The following RASGEF1A variants were observed in gnomAD, a reference collection of about 807,000 sequenced individuals.
RASGEF1A encodes the protein RasGEF domain family member 1A, also known as ras-GEF domain-containing family member 1A.
Under a neutral mutation model 56.4 loss-of-function variants are expected in RASGEF1A, and 18 were observed. The observed-to-expected ratio is 0.32, with a 90% confidence interval of 0.22 to 0.47. RASGEF1A has a LOEUF of 0.47. RASGEF1A is among the 20% of genes least tolerant of loss of function. RASGEF1A has a pLI of 1.00. For missense variants in RASGEF1A, 422 were observed against 627.1 expected (o/e 0.67, Z 3.49); for synonymous variants, 245 against 242.6 (o/e 1.01, Z -0.09).
chr10:43,218,667 C>G lies in RASGEF1A; in HGVS notation c.-6-12545G>C, dbSNP rs575766982. ...AACTTCAAGTACTGCGAAGAAGGGC[C>G]GGATTTACCTTTGTGAACCTTCCGG... On this transcript the variant is annotated intron_variant, in intron 1 of 12. Transcript: ENST00000395810. 3.9e-5 allele frequency among the ~76,000 whole-genome samples: 6 copies of G among 152,372 alleles called. No homozygotes were observed. The East Asian group carries it at 1.2e-3, about 29-fold the overall frequency.
At chr10:43,199,874 G>A (rs555013287) in intron 6 of RASGEF1A, 106 bp from the exon 7 acceptor site, 2 of 958,652 alleles carry the variant, frequency 2.1e-6, no homozygotes, top group East Asian at 5.2e-5. Context: ...CTGCACCGCA[G>A]CAGCCTCAAT....
rs563337118 is a variant in RASGEF1A at position 43,259,724 on chromosome 10, G to A, written c.-7+7121C>T. On this transcript the variant is annotated intron_variant, in intron 1 of 12. Coordinates refer to ENST00000395810, the MANE Select transcript of RASGEF1A (RefSeq NM_145313.4). ...AAGCACTCAGAAGCCAGGTGCCACC[G>A]CTGCACGTTCAGGGGCTCAATAGGC... Among the ~76,000 whole-genome samples the A allele has an allele frequency of 7.9e-5, 12 of 152,300 alleles. No homozygotes were observed. The South Asian group carries it at 2.3e-3, about 29-fold the overall frequency.
At position 43,248,012 on chromosome 10, in the gene RASGEF1A, A is replaced by G. The variant is rs181376808; in HGVS notation, c.-7+18833T>C. Among the ~76,000 whole-genome samples, 42 of 151,232 alleles carry G rather than the reference A, an allele frequency of 2.8e-4. 1 individual carries two copies. The highest frequency in any genetic ancestry group is 1.0e-3 in the African/African-American group (42 of 41,172). ...TCAGGAGTTTGAGACCAGCCTGAGCAATATAGTAAGACCCCCCATTTCTAT... is the reference window on the plus strand; with the variant it reads ...TCAGGAGTTTGAGACCAGCCTGAGCGATATAGTAAGACCCCCCATTTCTAT... On this transcript the variant is annotated intron_variant, in intron 1 of 12. Transcript: ENST00000395810.
chr10:43,230,744 A>C (rs1264550168), intron 1 of RASGEF1A, among the ~76,000 whole-genome samples: 1 of 151,572 alleles, frequency 6.6e-6, no homozygotes, highest in Admixed American at 6.6e-5. Flanking sequence ...CCCTCACCCC[A>C]CCTCCACCCC....
At chr10:43,236,629 C>T (rs1045730553) in intron 1 of RASGEF1A, among the ~76,000 whole-genome samples, 1 of 152,238 alleles carries the variant, frequency 6.6e-6, no homozygotes, top group Non-Finnish European at 1.5e-5. Context: ...TCAAGTGCTT[C>T]CCAAGTTCTC....
intron 1 of RASGEF1A, among the ~76,000 whole-genome samples, chr10:43,212,538 G>A (rs893476818): frequency 1.3e-5 from 2 of 152,222 alleles, no homozygotes; most frequent in African/African-American, 4.8e-5. Flanking sequence ...CAGTTCCTCT[G>A]TCTGTGTGAG....
rs1033740287 is a variant in RASGEF1A, at chr10:43,208,203, T to G, written c.-6-2081A>C. 4 of 985,326 alleles carry G rather than the reference T, an allele frequency of 4.1e-6. No individual in the cohort carries two copies. In the East Asian group the frequency reaches 4.5e-4, roughly 112 times the overall value. The allele number at this position is 985,326 out of a possible 1,614,324, so 61.0% of individuals were successfully genotyped here. ...CCAGCAGGTGGTAACCTTGGTCAGT[T>G]GGGCCTCCTCACCCCAAGCTCTTGG... On this transcript the variant is annotated intron_variant, in intron 1 of 12. Coordinates refer to ENST00000395810, the MANE Select transcript of RASGEF1A (RefSeq NM_145313.4).
At chr10:43,261,062 G>A (rs1836519829) in intron 1 of RASGEF1A, among the ~76,000 whole-genome samples, 1 of 151,796 alleles carries the variant, frequency 6.6e-6, no homozygotes, top group Non-Finnish European at 1.5e-5. Flanking sequence ...CCGCAGCTGT[G>A]GGTCTCCCCT....
intron 1 of RASGEF1A, among the ~76,000 whole-genome samples, chr10:43,213,690 G>C (rs1236500565): frequency 1.3e-5 from 2 of 152,152 alleles, no homozygotes; most frequent in African/African-American, 2.4e-5. Flanking sequence ...GCAGTGGCAC[G>C]ATCTTGGCTC....
intron 7 of RASGEF1A, 71 bp downstream of exon 7, chr10:43,199,605 T>C (rs1392416129): frequency 1.6e-6 from 2 of 1,259,242 alleles, no homozygotes; most frequent in East Asian, 4.7e-5. Flanking sequence ...ATCTAATTCC[T>C]GGGGCAAGAT....
Position 43,256,732 on chromosome 10 carries a change from C to T in RASGEF1A, c.-7+10113G>A, listed in dbSNP as rs532021375. Among the ~76,000 whole-genome samples the T allele has an allele frequency of 2.0e-5, 3 of 152,302 alleles. No homozygotes were observed. The East Asian group carries it at 5.8e-4, about 29-fold the overall frequency. On this transcript the variant is annotated intron_variant, in intron 1 of 12. Transcript: ENST00000395810. ...CGCACACCACAGCCACAGAGCAGTGCCCCCACTCGCGCCATCTGCACACAG... is the reference window on the plus strand; with the variant it reads ...CGCACACCACAGCCACAGAGCAGTGTCCCCACTCGCGCCATCTGCACACAG...
At chr10:43,203,720 A>C in intron 2 of RASGEF1A, 2 of 1,119,558 alleles carry the variant, frequency 1.8e-6, no homozygotes, top group Non-Finnish European at 1.1e-6. Flanking sequence ...CATAGGGCTA[A>C]CCCCAGCCTG....
intron 1 of RASGEF1A, among the ~76,000 whole-genome samples, chr10:43,266,022 C>A (rs772950451): frequency 5.3e-5 from 8 of 152,182 alleles, no homozygotes; most frequent in Non-Finnish European, 1.0e-4. Context: ...GAGGGAGCCC[C>A]GGCCACCACC....
At chr10:43,203,214 C>T in intron 3 of RASGEF1A, 84 bp downstream of exon 3, 1 of 1,407,050 alleles carries the variant, frequency 7.1e-7, no homozygotes, top group Non-Finnish European at 9.7e-7. Context: ...TACCGTGAAC[C>T]CCGCCCCATG....
intron 1 of RASGEF1A, among the ~76,000 whole-genome samples, chr10:43,265,550 C>T (rs544989384): frequency 3.3e-5 from 5 of 152,264 alleles, no homozygotes; most frequent in Non-Finnish European, 7.3e-5. Context: ...CAAGGTCCTC[C>T]ATGTCCCCCT....
chr10:43,229,799 C>T, intron 1 of RASGEF1A: 1 of 1,233,976 alleles, frequency 8.1e-7, no homozygotes, highest in Non-Finnish European at 1.0e-6. Context: ...ACCCCGGAAG[C>T]AGGGAACCGA....
chr10:43,199,760 C>T lies in RASGEF1A; in HGVS notation c.765G>A (p.Gly255=), dbSNP rs374403441. 85 of 1,613,394 alleles carry T rather than the reference C, an allele frequency of 5.3e-5. No individual in the cohort carries two copies. The African/African-American group carries it at 6.9e-4, about 13-fold the overall frequency. The change falls in exon 7 of 13, where the codon GGG becomes GGA. Residue 255 remains glycine, a synonymous_variant. Transcript: ENST00000395810. The part of the protein sequence containing the change: ...MDSLDNHRCR[G]DLTKTYSLEA... Reference sequence around the variant, plus strand: ...CCAGGCTGTAGGTCTTGGTCAGGTCCCCTCGGCACTGGAAAGGACACAGCA... The same window carrying T: ...CCAGGCTGTAGGTCTTGGTCAGGTCTCCTCGGCACTGGAAAGGACACAGCA...
At chr10:43,231,565 G>A (rs990455599) in intron 1 of RASGEF1A, among the ~76,000 whole-genome samples, 2 of 152,236 alleles carry the variant, frequency 1.3e-5, no homozygotes, top group African/African-American at 4.8e-5. Flanking sequence ...TTCCTATCAC[G>A]CTCATCCCAG....
At chr10:43,216,311 T>C (rs566372704) in intron 1 of RASGEF1A, among the ~76,000 whole-genome samples, 118 of 152,226 alleles carry the variant, frequency 7.8e-4, no homozygotes, top group African/African-American at 2.6e-3. Flanking sequence ...GGGTCTGGGC[T>C]CCTCCCACCA....
Sources: gnomAD v4.1 joint callset for allele counts (sites outside exome capture counted in the v4.1 genomes callset) on GRCh38, gnomAD v4.1.1 for gene constraint, MANE v1.5 for transcripts, NCBI Gene and HGNC (gene_info 2026-07-23, HGNC 2026-07-21) for gene names.